CTNNA3: variants seen among roughly 807,000 people sequenced by gnomAD.
CTNNA3 encodes the protein catenin alpha 3.
In CTNNA3, 76 loss-of-function variants were observed where a neutral mutation model predicts 95.7. The ratio of observed to expected loss-of-function variants is 0.79; its 90% CI spans 0.66 to 0.96. CTNNA3 has a LOEUF of 0.96. CTNNA3 is among the 40% of genes least tolerant of loss of function. The pLI is 0.00. For missense variants in CTNNA3, 1,191 were observed against 1,089.8 expected, an observed-to-expected ratio of 1.09 and a Z score of -1.31; for synonymous variants, 431 against 374.4, an observed-to-expected ratio of 1.15 and a Z score of -1.74.
At chr10:67,190,093 T>G (rs1863050579) in intron 6 of CTNNA3, among the ~76,000 whole-genome samples, 1 of 152,150 alleles carries the variant, frequency 6.6e-6, no homozygotes, top group Non-Finnish European at 1.5e-5. Context: ...GAAAATAACT[T>G]ATAAGGATTA....
chr10:67,618,470 A>C (rs1843726961), intron 2 of CTNNA3, among the ~76,000 whole-genome samples: 1 of 152,190 alleles, frequency 6.6e-6, no homozygotes, highest in African/African-American at 2.4e-5. Flanking sequence ...TGCTTTACCA[A>C]CATAAACTTA....
intron 7 of CTNNA3, among the ~76,000 whole-genome samples, chr10:66,851,723 C>T (rs567566837): frequency 6.6e-6 from 1 of 151,932 alleles, no homozygotes; most frequent in East Asian, 1.9e-4. Context: ...TTGTAATCTT[C>T]CCATGGCCTT....
intron 12 of CTNNA3, among the ~76,000 whole-genome samples, chr10:66,333,800 C>T (rs1239010381): frequency 3.3e-5 from 5 of 151,204 alleles, no homozygotes; most frequent in African/African-American, 1.2e-4. Context: ...CTTTCTGTCT[C>T]GTTGATCTGT....
chr10:66,816,428 T>C (rs1401722432), intron 7 of CTNNA3, among the ~76,000 whole-genome samples: 2 of 152,046 alleles, frequency 1.3e-5, no homozygotes, highest in Non-Finnish European at 1.5e-5. Flanking sequence ...TACAACATGC[T>C]GTTTATAAAA....
At chr10:66,452,964 C>G (rs2093474063) in intron 11 of CTNNA3, among the ~76,000 whole-genome samples, 1 of 152,066 alleles carries the variant, frequency 6.6e-6, no homozygotes, top group Non-Finnish European at 1.5e-5. Flanking sequence ...GCCTGTAATC[C>G]CAACACTTTC....
chr10:66,657,443 C>T (rs1846107144), intron 9 of CTNNA3, among the ~76,000 whole-genome samples: 1 of 152,132 alleles, frequency 6.6e-6, no homozygotes, highest in Non-Finnish European at 1.5e-5. Context: ...CATCCCAATT[C>T]ATTATGATCC....
At chr10:66,352,741 TAA>T (rs1302252345) in intron 12 of CTNNA3, among the ~76,000 whole-genome samples, 4 of 152,108 alleles carry the variant, frequency 2.6e-5, no homozygotes, top group Non-Finnish European at 4.4e-5. Flanking sequence ...GCAAATCACG[TAA>T]AGATACTTAA....
chr10:66,873,546 C>A (rs150374376), intron 7 of CTNNA3, among the ~76,000 whole-genome samples: 1,732 of 151,946 alleles, frequency 0.011, 35 homozygotes, highest in African/African-American at 0.04. Flanking sequence ...TGCCCTCTGT[C>A]CATTTTTTAA....
intron 13 of CTNNA3, among the ~76,000 whole-genome samples, chr10:66,124,636 G>A (rs542224129): frequency 6.6e-6 from 1 of 152,276 alleles, no homozygotes; most frequent in African/African-American, 2.4e-5. Flanking sequence ...AAAAGAAAGA[G>A]GTTTAATGGA....
At chr10:66,928,752 TTTAAG>T (rs1423570850) in intron 7 of CTNNA3, among the ~76,000 whole-genome samples, 1 of 152,208 alleles carries the variant, frequency 6.6e-6, no homozygotes, top group East Asian at 1.9e-4. Context: ...TCGCATTTGT[TTTAAG>T]ATAAAACTTC....
intron 7 of CTNNA3, among the ~76,000 whole-genome samples, chr10:67,013,939 G>C (rs929418735): frequency 1.3e-5 from 2 of 151,992 alleles, no homozygotes; most frequent in African/African-American, 4.8e-5. Flanking sequence ...AGAGCCCCAA[G>C]GTCTAAAAAC....
intron 10 of CTNNA3, among the ~76,000 whole-genome samples, chr10:66,584,734 T>C (rs1194195079): frequency 1.3e-5 from 2 of 152,036 alleles, no homozygotes; most frequent in South Asian, 4.1e-4. Flanking sequence ...TATTGATTGT[T>C]ACTTAGTGAC....
chr10:67,689,453 C>A (rs1243194034), intron 1 of CTNNA3, among the ~76,000 whole-genome samples: 1 of 152,040 alleles, frequency 6.6e-6, no homozygotes, highest in Non-Finnish European at 1.5e-5. Context: ...ATAGGAGAAA[C>A]TAGAAAAGCA....
At chr10:66,710,241 A>T (rs550019732) in intron 9 of CTNNA3, among the ~76,000 whole-genome samples, 1 of 152,306 alleles carries the variant, frequency 6.6e-6, no homozygotes, top group South Asian at 2.1e-4. Context: ...TCTCAAGGTC[A>T]CAGCAGAATC....
At chr10:66,341,386 C>CA (rs2092451402) in intron 12 of CTNNA3, among the ~76,000 whole-genome samples, 1 of 151,896 alleles carries the variant, frequency 6.6e-6, no homozygotes, top group Non-Finnish European at 1.5e-5. Flanking sequence ...GTTTGGGTGT[C>CA]AGAGGCTACT....
chr10:66,188,672 T>C (rs994795168), intron 13 of CTNNA3, among the ~76,000 whole-genome samples: 24 of 150,672 alleles, frequency 1.6e-4, no homozygotes, highest in African/African-American at 5.8e-4. Context: ...GTAACAATAC[T>C]TTGCTTCCAT....
chr10:67,177,028 G>T (rs751654941), intron 7 of CTNNA3: 3 of 464,236 alleles, frequency 6.5e-6, no homozygotes, highest in South Asian at 4.6e-5. Flanking sequence ...TAAGTGTGTG[G>T]TAATTTGTTA....
chr10:66,320,068 G>T (rs1041208892), intron 12 of CTNNA3, among the ~76,000 whole-genome samples: 1 of 152,066 alleles, frequency 6.6e-6, no homozygotes, highest in African/African-American at 2.4e-5. Flanking sequence ...ACGTTGTGGG[G>T]CTGTTGTGAG....
chr10:66,734,124 A>G (rs1373659373), intron 9 of CTNNA3, among the ~76,000 whole-genome samples: 1 of 150,186 alleles, frequency 6.7e-6, no homozygotes, highest in African/African-American at 2.5e-5. Context: ...ATTTGTCTCA[A>G]AGCTCCACAT....
Sources: gnomAD v4.1 joint callset for allele counts (sites outside exome capture counted in the v4.1 genomes callset) on GRCh38, gnomAD v4.1.1 for gene constraint, MANE v1.5 for transcripts, NCBI Gene and HGNC (gene_info 2026-07-23, HGNC 2026-07-21) for gene names.